PTPRN2: variants seen among roughly 807,000 people sequenced by gnomAD.
PTPRN2 encodes the protein receptor-type tyrosine-protein phosphatase N2.
Under a neutral mutation model 118.8 loss-of-function variants are expected in PTPRN2, and 74 were observed. That is an observed-to-expected ratio of 0.62 (90% confidence interval 0.52 to 0.76). The LOEUF (loss-of-function observed/expected upper bound fraction) is 0.76, where lower values mean the gene tolerates loss of function less well. Ranked by LOEUF, PTPRN2 falls within the 30% of genes least tolerant of loss-of-function variation. PTPRN2 has a pLI of 0.00. For synonymous variants in PTPRN2, 641 were observed against 608.0 expected, an observed-to-expected ratio of 1.05 and a Z score of -0.80; for missense variants, 1,481 against 1,394.4, an observed-to-expected ratio of 1.06 and a Z score of -0.99.
intron 3 of PTPRN2, among the ~76,000 whole-genome samples, chr7:158,207,507 C>G (rs1827250507): frequency 6.6e-6 from 1 of 152,066 alleles, no homozygotes; most frequent in Non-Finnish European, 1.5e-5. Context: ...TCAGAGTGAA[C>G]AGGCAACCTA....
Position 157,604,078 on chromosome 7 carries a change from G to A in PTPRN2, c.2345-3C>T, listed in dbSNP as rs1801862754. ...CAGCAGGACCCGGGAGTGGTCATCTGCAAGGACACAGTGCAGGGGTCAGAG... is the reference window on the plus strand; with the variant it reads ...CAGCAGGACCCGGGAGTGGTCATCTACAAGGACACAGTGCAGGGGTCAGAG... On this transcript the variant is annotated splice_polypyrimidine_tract_variant and splice_region_variant and intron_variant, in intron 15 of 22. Coordinates refer to ENST00000389418, the MANE Select transcript of PTPRN2 (RefSeq NM_002847.5). 1.9e-6 allele frequency: 3 copies of A among 1,613,586 alleles called. No homozygotes were observed. Among genetic ancestry groups the A allele is most frequent in the Non-Finnish European group, 8.5e-7 (1 of 1,179,896 alleles).
At chr7:158,172,508 C>A (rs1404434259) in intron 5 of PTPRN2, among the ~76,000 whole-genome samples, 1 of 150,948 alleles carries the variant, frequency 6.6e-6, no homozygotes, top group East Asian at 2.0e-4. Flanking sequence ...CCATCAATAG[C>A]AGCATCCCCA....
intron 11 of PTPRN2, among the ~76,000 whole-genome samples, chr7:158,045,967 T>C (rs1808830063): frequency 6.7e-6 from 1 of 149,588 alleles, no homozygotes. Flanking sequence ...ATCCTGACAC[T>C]GCCTTGTTCT....
intron 14 of PTPRN2, among the ~76,000 whole-genome samples, chr7:157,643,679 C>T (rs889033420): frequency 1.3e-5 from 2 of 152,244 alleles, no homozygotes; most frequent in Non-Finnish European, 2.9e-5. Flanking sequence ...CCTCTGTCTG[C>T]GCCCTTCCCA....
intron 2 of PTPRN2, among the ~76,000 whole-genome samples, chr7:158,485,671 C>T (rs540604983): frequency 1.1e-4 from 16 of 151,802 alleles, no homozygotes; most frequent in African/African-American, 3.6e-4. Flanking sequence ...CCTTTCTGAG[C>T]TCAAAGGGAA....
intron 21 of PTPRN2, among the ~76,000 whole-genome samples, chr7:157,566,500 G>C (rs1799490414): frequency 1.3e-5 from 2 of 152,174 alleles, no homozygotes; most frequent in African/African-American, 4.8e-5. Context: ...GATCTCTCCT[G>C]AGACTGTGGC....
intron 11 of PTPRN2, among the ~76,000 whole-genome samples, chr7:158,071,329 C>A (rs1332359539): frequency 1.8e-5 from 1 of 54,430 alleles, no homozygotes; most frequent in African/African-American, 8.1e-5. Context: ...GTGGAGGTGC[C>A]CATGGTGGTG....
chr7:158,417,533 C>T (rs958400641), intron 2 of PTPRN2, among the ~76,000 whole-genome samples: 3 of 150,440 alleles, frequency 2.0e-5, no homozygotes, highest in Admixed American at 6.6e-5. Context: ...TGTACTACAT[C>T]GAGATGCTGC....
chr7:158,122,356 A>G (rs1817242434), intron 9 of PTPRN2, among the ~76,000 whole-genome samples: 1 of 152,204 alleles, frequency 6.6e-6, no homozygotes, highest in Admixed American at 6.5e-5. Context: ...GGCCTCGGCA[A>G]GCACTCACTG....
At chr7:158,171,248 TACACAC>T (rs1357193680) in intron 5 of PTPRN2, among the ~76,000 whole-genome samples, 2 of 134,168 alleles carry the variant, frequency 1.5e-5, no homozygotes, top group African/African-American at 3.1e-5. Context: ...TACACATATA[TACACAC>T]ATATATATAC....
At chr7:158,111,669 G>A (rs1406375974) in intron 9 of PTPRN2, among the ~76,000 whole-genome samples, 2 of 152,222 alleles carry the variant, frequency 1.3e-5, no homozygotes, top group African/African-American at 2.4e-5. Flanking sequence ...CATCCAGTGA[G>A]CGTGCAGGAT....
rs550367363 is a variant in PTPRN2 at position 158,550,024 on chromosome 7, G to C, written c.112+37534C>G. Among the ~76,000 whole-genome samples the C allele has an allele frequency of 1.2e-4, 18 of 152,358 alleles. No homozygotes were observed. The South Asian group carries it at 3.7e-3, about 32-fold the overall frequency. ...CCTCCCCTGGAACTCGGGGCTGGGA[G>C]AGGTCGGCGTCAGGAAGGACCTCAT... On this transcript the variant is annotated intron_variant, in intron 1 of 22. Transcript: ENST00000389418.
At chr7:157,870,327 C>T (rs1277786735) in intron 12 of PTPRN2, among the ~76,000 whole-genome samples, 1 of 152,218 alleles carries the variant, frequency 6.6e-6, no homozygotes, top group Non-Finnish European at 1.5e-5. Context: ...GGGTCTGCCA[C>T]TATAGGATTC....
intron 3 of PTPRN2, among the ~76,000 whole-genome samples, chr7:158,217,423 T>C (rs1217830437): frequency 1.3e-5 from 2 of 152,144 alleles, no homozygotes; most frequent in African/African-American, 4.8e-5. Context: ...GCAAAACTCT[T>C]ATGAGAAATA....
At chr7:158,100,153 AC>A (rs1465221771) in intron 10 of PTPRN2, among the ~76,000 whole-genome samples, 1 of 151,760 alleles carries the variant, frequency 6.6e-6, no homozygotes, top group African/African-American at 2.4e-5. Context: ...TTCCTGAGTT[AC>A]TTCATTTAGA....
At chr7:158,405,699 T>C (rs547167025) in intron 2 of PTPRN2, among the ~76,000 whole-genome samples, 2 of 152,362 alleles carry the variant, frequency 1.3e-5, no homozygotes, top group South Asian at 4.1e-4. Context: ...AACTTATCTG[T>C]GTGTGGAGCC....
chr7:158,424,137 G>A (rs371464749), intron 2 of PTPRN2, among the ~76,000 whole-genome samples: 3 of 152,140 alleles, frequency 2.0e-5, no homozygotes, highest in Non-Finnish European at 4.4e-5. Flanking sequence ...TACGTGTGGC[G>A]CAGGAGTGCT....
intron 2 of PTPRN2, among the ~76,000 whole-genome samples, chr7:158,373,237 T>G (rs1257517784): frequency 1.3e-5 from 2 of 152,170 alleles, no homozygotes; most frequent in African/African-American, 2.4e-5. Flanking sequence ...GGAAATAGAG[T>G]GCCAAATGGA....
At chr7:157,873,685 T>C (rs61646557) in intron 12 of PTPRN2, among the ~76,000 whole-genome samples, 10 of 128,612 alleles carry the variant, frequency 7.8e-5, no homozygotes, top group African/African-American at 1.4e-4. Flanking sequence ...GTCTGTCTCG[T>C]CGTGGGGGCC....
Sources: gnomAD v4.1 joint callset for allele counts (sites outside exome capture counted in the v4.1 genomes callset) on GRCh38, gnomAD v4.1.1 for gene constraint, MANE v1.5 for transcripts, NCBI Gene and HGNC (gene_info 2026-07-23, HGNC 2026-07-21) for gene names.